ADGRV1: variants seen among roughly 807,000 people sequenced by gnomAD.
ADGRV1 encodes adhesion G protein-coupled receptor V1.
A neutral mutation model predicts 596.2 loss-of-function variants in ADGRV1; 359 were observed. That is an observed-to-expected ratio of 0.60 (90% CI 0.55 to 0.66). The LOEUF (loss-of-function observed/expected upper bound fraction) is 0.66. Among genes scored for constraint, ADGRV1 ranks in the 30% least tolerant of loss-of-function variants. The pLI is 0.00. For missense variants in ADGRV1, 7,274 were observed against 7,575.6 expected, an observed-to-expected ratio of 0.96 and a Z score of 1.48; for synonymous variants, 2,681 against 2,679.2, an observed-to-expected ratio of 1.00 and a Z score of -0.02.
chr5:90,814,099 G>A (rs147581211), intron 74 of ADGRV1, among the ~76,000 whole-genome samples: 1 of 152,304 alleles, frequency 6.6e-6, no homozygotes, highest in East Asian at 1.9e-4. Context: ...GAAAAGAATT[G>A]CTGCCAAAGA....
At chr5:90,712,228 C>G (rs766032209) in intron 41 of ADGRV1, 59 bp from the exon 42 acceptor site, 12 of 930,886 alleles carry the variant, frequency 1.3e-5, no homozygotes, top group Non-Finnish European at 1.8e-5. Flanking sequence ...TCCAAACATT[C>G]TATAGAAACT....
intron 36 of ADGRV1, 72 bp from the exon 37 acceptor site, chr5:90,705,328 G>T: frequency 8.0e-7 from 1 of 1,252,986 alleles, no homozygotes. Context: ...ATGTTTCAGA[G>T]AGTGAGGCTA....
chr5:90,738,976 A>G (rs1753607585), intron 50 of ADGRV1, among the ~76,000 whole-genome samples: 2 of 151,992 alleles, frequency 1.3e-5, no homozygotes, highest in Non-Finnish European at 2.9e-5. Context: ...GACCTTCTCT[A>G]TTCTTTTTCA....
At position 90,776,574 on chromosome 5, in the gene ADGRV1, C is replaced by G; in HGVS notation, c.12525C>G (p.Ile4175Met). 1 of 1,613,140 alleles carries G rather than the reference C, an allele frequency of 6.2e-7. No individual in the cohort carries two copies. The highest frequency in any genetic ancestry group is 8.5e-7 in the Non-Finnish European group (1 of 1,179,326). ...CAAAATATAATGGTACCGCTATTAT[C>G]AGGTAAGGACTTCATGATTTTTCTT... The part of the protein sequence containing the change: ...PSAKYNGTAI[I>M]SLVRGPGILG... Residue 4175 changes from isoleucine (I) to methionine (M), a missense_variant and splice_region_variant, in exon 61 of 90, where the codon ATC becomes ATG. By Grantham distance (10) the Ile-to-Met change is conservative. Coordinates refer to ENST00000405460, the MANE Select transcript of ADGRV1 (RefSeq NM_032119.4).
At chr5:90,898,438 A>C (rs529047880) in intron 83 of ADGRV1, among the ~76,000 whole-genome samples, 1 of 152,138 alleles carries the variant, frequency 6.6e-6, no homozygotes, top group Non-Finnish European at 1.5e-5. Context: ...AATAGATAGT[A>C]GAGATTCATT....
intron 50 of ADGRV1, among the ~76,000 whole-genome samples, chr5:90,740,629 A>T (rs1218753485): frequency 6.6e-6 from 1 of 152,132 alleles, no homozygotes; most frequent in African/African-American, 2.4e-5. Flanking sequence ...CGCCACCAAG[A>T]TCTGCTTGTC....
Position 90,802,859 on chromosome 5 carries a change from T to A in ADGRV1, c.14638T>A (p.Ser4880Thr). 1 of 1,608,518 alleles carries A rather than the reference T, an allele frequency of 6.2e-7. No individual in the cohort carries two copies. The highest frequency in any genetic ancestry group is 8.5e-7 in the Non-Finnish European group (1 of 1,177,406). Reference sequence around the variant, plus strand: ...AGCAAAATCTGCTGTCCTTCCAGTCTCTGAGAAAGCTGCCAATTCTCAGGT... The same window carrying A: ...AGCAAAATCTGCTGTCCTTCCAGTCACTGAGAAAGCTGCCAATTCTCAGGT... ...QEAKSAVLPVSEKAANSQVGF... is the reference protein window; with the variant it reads ...QEAKSAVLPVTEKAANSQVGF... Residue 4880 changes from serine (S) to threonine (T), a missense_variant, in exon 71 of 90, where the codon TCT becomes ACT. Ser to Thr is a moderately conservative substitution (Grantham distance 58). This residue lies in a region of ADGRV1 where 1,874 missense variants were observed against 1,970.2 expected (regional missense o/e 0.95). Coordinates refer to ENST00000405460, the MANE Select transcript of ADGRV1 (RefSeq NM_032119.4).
In ADGRV1 at chr5:91,157,148, C is replaced by T. The variant is rs114417843; in HGVS notation, c.18802+3750C>T. Among the ~76,000 whole-genome samples, 1,467 of 152,232 alleles carry T rather than the reference C, an allele frequency of 9.6e-3. 27 individuals carry two copies. The highest frequency in any genetic ancestry group is 0.034 in the African/African-American group (1,422 of 41,520). On this transcript the variant is annotated intron_variant, in intron 89 of 89. Coordinates refer to ENST00000405460, the MANE Select transcript of ADGRV1 (RefSeq NM_032119.4). The stretch of plus-strand genomic sequence containing the variant: ...GACATTTGAGTTTGCAAACCTTGGT[C>T]CCTCTCAGGTCCACCTTCACTATGG...
intron 85 of ADGRV1, among the ~76,000 whole-genome samples, chr5:90,996,833 A>C (rs1781461320): frequency 6.6e-6 from 1 of 152,198 alleles, no homozygotes; most frequent in African/African-American, 2.4e-5. Flanking sequence ...TGTGAGACAT[A>C]GAATCAAAAG....
intron 84 of ADGRV1, 66 bp from the exon 85 acceptor site, chr5:90,985,278 C>CA (rs1417179355): frequency 8.4e-7 from 1 of 1,195,458 alleles, no homozygotes; most frequent in African/African-American, 1.5e-5. Flanking sequence ...TTGCCTAAGC[C>CA]AGTAGAGTTT....
chr5:90,674,031 C>A, intron 22 of ADGRV1, 23 bp from the exon 23 acceptor site: 6 of 1,556,268 alleles, frequency 3.9e-6, no homozygotes, highest in Non-Finnish European at 5.3e-6. Flanking sequence ...TTGCTTAGTG[C>A]CTCTGGATAT....
chr5:90,594,683 A>G (rs149050232), intron 1 of ADGRV1, among the ~76,000 whole-genome samples: 1,817 of 148,244 alleles, frequency 0.012, 44 homozygotes, highest in African/African-American at 0.044. Context: ...AGTGGTGATG[A>G]CTCTTAATGA....
At chr5:90,686,078 C>T in intron 29 of ADGRV1, 83 bp downstream of exon 29, 2 of 749,316 alleles carry the variant, frequency 2.7e-6, no homozygotes, top group Non-Finnish European at 3.7e-6. Flanking sequence ...CACAGCCTCT[C>T]AAAGTTGCAA....
chr5:91,097,972 G>C (rs1298793148), intron 86 of ADGRV1, among the ~76,000 whole-genome samples: 1 of 152,056 alleles, frequency 6.6e-6, no homozygotes, highest in Non-Finnish European at 1.5e-5. Context: ...GTCTTATATA[G>C]ATACTCATTT....
At chr5:90,869,133 T>C (rs751046234) in intron 83 of ADGRV1, among the ~76,000 whole-genome samples, 4 of 152,120 alleles carry the variant, frequency 2.6e-5, no homozygotes, top group Non-Finnish European at 5.9e-5. Context: ...TCTGTAGTAC[T>C]GCATAGGCTG....
chr5:90,726,064 A>G (rs560119114), intron 48 of ADGRV1, among the ~76,000 whole-genome samples: 62 of 152,320 alleles, frequency 4.1e-4, no homozygotes, highest in Middle Eastern at 3.4e-3. Context: ...TTATTTGATA[A>G]CTTTTGTCAC....
At chr5:91,155,655 G>A (rs1796419249) in intron 89 of ADGRV1, among the ~76,000 whole-genome samples, 1 of 152,134 alleles carries the variant, frequency 6.6e-6, no homozygotes, top group Admixed American at 6.5e-5. Context: ...CAGAACACTA[G>A]CAATACAATC....
chr5:90,605,634 G>A (rs1580427822), intron 1 of ADGRV1, among the ~76,000 whole-genome samples: 1 of 151,902 alleles, frequency 6.6e-6, no homozygotes, highest in Admixed American at 6.6e-5. Flanking sequence ...ATTGTGTGTA[G>A]GTACATTTTT....
chr5:90,848,546 T>C (rs547064191), intron 78 of ADGRV1, 91 bp from the exon 79 acceptor site: 32 of 569,382 alleles, frequency 5.6e-5, no homozygotes, highest in Middle Eastern at 1.0e-3. Flanking sequence ...TAATAACTAT[T>C]AATAAGGAAC....
Sources: allele counts gnomAD v4.1 joint callset (sites outside exome capture counted in the v4.1 genomes callset), GRCh38; gene constraint gnomAD v4.1.1; regional missense constraint gnomAD v4.1.1; transcripts MANE v1.5; gene names NCBI Gene and HGNC (gene_info 2026-07-23, HGNC 2026-07-21).